ERGIC1: variants seen among roughly 807,000 people sequenced by gnomAD.
ERGIC1 encodes the protein endoplasmic reticulum-Golgi intermediate compartment protein 1.
Under a neutral mutation model 38.3 loss-of-function variants are expected in ERGIC1, and 19 were observed. That is an observed-to-expected ratio of 0.50 (90% confidence interval 0.35 to 0.73). The LOEUF is 0.73. Among genes scored for constraint, ERGIC1 ranks in the 30% least tolerant of loss-of-function variants. ERGIC1 has a pLI of 0.01. For synonymous variants in ERGIC1, 124 were observed against 157.6 expected, an observed-to-expected ratio of 0.79 and a Z score of 1.60; for missense variants, 294 against 389.2, an observed-to-expected ratio of 0.76 and a Z score of 2.06.
chr5:172,913,319 C>T (rs1346498117), intron 4 of ERGIC1, among the ~76,000 whole-genome samples: 1 of 152,228 alleles, frequency 6.6e-6, no homozygotes, highest in African/African-American at 2.4e-5. Flanking sequence ...GATAAGGTTG[C>T]CTGAGCAGCT....
chr5:172,900,731 AC>A (rs1762852835), intron 3 of ERGIC1, among the ~76,000 whole-genome samples: 1 of 151,878 alleles, frequency 6.6e-6, no homozygotes, highest in African/African-American at 2.4e-5. Flanking sequence ...ACAAAAAAAA[AC>A]ATGAGGACAT....
chr5:172,897,099 C>T (rs371253487), intron 3 of ERGIC1, 25 bp downstream of exon 3: 103 of 1,607,902 alleles, frequency 6.4e-5, no homozygotes, highest in Non-Finnish European at 8.2e-5. Flanking sequence ...CCCGATGGGG[C>T]ATTCCAGGAT....
intron 2 of ERGIC1, among the ~76,000 whole-genome samples, chr5:172,892,062 G>GTTTTTTTTTTTTTTTTTTTTTTTTT: frequency 1.1e-5 from 1 of 90,228 alleles, no homozygotes; most frequent in Non-Finnish European, 2.2e-5. Context: ...TAAAGAGTAT[G>GTTTTTTTTTTTTTTTTTTTTTTTTT]TTTTTTTTTT....
In ERGIC1 at chr5:172,926,785, G is replaced by A; in HGVS notation, c.541+216G>A. ...TGGAGAAGGAAGAAGGCTTGTCCCGGGGCACAGCAGACGCACGCACGCAGT... is the reference window on the plus strand; with the variant it reads ...TGGAGAAGGAAGAAGGCTTGTCCCGAGGCACAGCAGACGCACGCACGCAGT... On this transcript the variant is annotated intron_variant, in intron 7 of 9. Transcript: ENST00000393784. The surrounding 1 kb of genome is among the most constrained non-coding windows in gnomAD (Gnocchi z 5.2). 1.7e-6 allele frequency: 1 copy of A among 588,760 alleles called. No homozygotes were observed. The highest frequency in any genetic ancestry group is 3.0e-6 in the Non-Finnish European group (1 of 329,338). 36.5% of individuals were successfully genotyped at this position (588,760 alleles called of 1,614,324 possible).
intron 5 of ERGIC1, chr5:172,915,827 C>T (rs768117317): frequency 3.3e-5 from 12 of 358,512 alleles, no homozygotes; most frequent in Admixed American, 3.3e-4. Flanking sequence ...GTCCCTCCTG[C>T]AGCCTCTGCT....
At position 172,909,719 on chromosome 5, in the gene ERGIC1, G is replaced by T; in HGVS notation, c.208G>T (p.Asp70Tyr). ...AGACAAGGACAGCGGTGGCAAGATC[G>T]ACGTCAGTCTGAACATCAGTTTACC... Reference protein sequence around the residue: ...DPDKDSGGKIDVSLNISLPNL... With the variant: ...DPDKDSGGKIYVSLNISLPNL... Residue 70 changes from aspartate (D) to tyrosine (Y), a missense_variant, in exon 4 of 10, where the codon GAC (aspartate) becomes TAC (tyrosine). Asp to Tyr is a radical substitution (Grantham distance 160). Transcript: ENST00000393784. The T allele has an allele frequency of 6.2e-7, 1 of 1,614,174 alleles. No homozygotes were observed. Among genetic ancestry groups the T allele is most frequent in the Non-Finnish European group, 8.5e-7 (1 of 1,180,030 alleles).
chr5:172,865,051 CT>C lies in ERGIC1; in HGVS notation c.21-23625del, dbSNP rs55657045. 9.2e-3 allele frequency among the ~76,000 whole-genome samples: 867 copies of C among 93,820 alleles called. 1 individual carries two copies. The highest frequency in any genetic ancestry group is 0.024 in the Middle Eastern group (4 of 166). 61.5% of individuals were successfully genotyped at this position (93,820 alleles called of 152,430 possible). A position where few individuals can be genotyped will look rare whatever the true frequency, so the allele number is the denominator to read the frequency against. On this transcript the variant is annotated intron_variant, in intron 1 of 9. Transcript: ENST00000393784. ...TATCAAATTGCTATAGAAAGAAATTCTTTTTTTTTTTTTTTTTTTTTTTGAG... is the reference window on the plus strand; with the variant it reads ...TATCAAATTGCTATAGAAAGAAATTCTTTTTTTTTTTTTTTTTTTTTTGAG...
chr5:172,877,454 ATATATTTTT>A (rs538938691), intron 1 of ERGIC1, among the ~76,000 whole-genome samples: 3 of 121,938 alleles, frequency 2.5e-5, no homozygotes, highest in Non-Finnish European at 3.4e-5. Flanking sequence ...ATATATATAT[ATATATTTTT>A]TTTTTTTTTT....
At position 172,892,095 on chromosome 5, in the gene ERGIC1, C is replaced by G. The variant is rs1225374220; in HGVS notation, c.82+3335C>G. On this transcript the variant is annotated intron_variant, in intron 2 of 9. Coordinates refer to ENST00000393784, the MANE Select transcript of ERGIC1 (RefSeq NM_001031711.3). ...TTTTTTTTTTTTTTTTTGAAACTTA[C>G]AAGGTCCTGCCAAAGGGCCCTCCAG... is the stretch of plus-strand genomic sequence containing the variant. Among the ~76,000 whole-genome samples the G allele has an allele frequency of 6.6e-5, 5 of 76,216 alleles. No individual in the cohort carries two copies. The East Asian group carries it at 2.6e-3, about 40-fold the overall frequency. 50.0% of individuals were successfully genotyped at this position (76,216 alleles called of 152,430 possible). A position where few individuals can be genotyped will look rare whatever the true frequency, so the allele number is the denominator to read the frequency against.
intron 1 of ERGIC1, among the ~76,000 whole-genome samples, chr5:172,874,076 A>T (rs916675295): frequency 6.6e-6 from 1 of 151,846 alleles, no homozygotes; most frequent in African/African-American, 2.4e-5. Flanking sequence ...GGGCCCTGGA[A>T]TCTGCAAATT....
chr5:172,948,600 C>T (rs1764170085), intron 9 of ERGIC1, among the ~76,000 whole-genome samples: 1 of 152,076 alleles, frequency 6.6e-6, no homozygotes, highest in Non-Finnish European at 1.5e-5. Flanking sequence ...AGTTACTTCC[C>T]TCTCTGTACC....
At chr5:172,934,345 T>C (rs1264881547) in intron 8 of ERGIC1, 1 of 152,376 alleles carries the variant, frequency 6.6e-6, no homozygotes, top group Non-Finnish European at 1.5e-5. Flanking sequence ...CATCCGTGTT[T>C]AGATGGGGAA....
chr5:172,935,318 G>T lies in ERGIC1; in HGVS notation c.765+8G>T, dbSNP rs1763866710. 1 of 1,613,844 alleles carries T rather than the reference G, an allele frequency of 6.2e-7. No individual in the cohort carries two copies. The highest frequency in any genetic ancestry group is 1.3e-5 in the African/African-American group (1 of 74,932). On this transcript the variant is annotated splice_region_variant and intron_variant, in intron 9 of 9. Coordinates refer to ENST00000393784, the MANE Select transcript of ERGIC1 (RefSeq NM_001031711.3). ...TACAGATTCATCACCACGGTGAGTG[G>T]CCTGGGGCAGTGGGTGGGGCCCTGA...
chr5:172,946,857 G>A (rs1470566991), intron 9 of ERGIC1, among the ~76,000 whole-genome samples: 2 of 142,190 alleles, frequency 1.4e-5, no homozygotes, highest in African/African-American at 5.3e-5. Flanking sequence ...TGTGGGCCTG[G>A]CCACTAGAGT....
intron 2 of ERGIC1, among the ~76,000 whole-genome samples, chr5:172,890,840 AC>A (rs11294914): frequency 0.26 from 39,480 of 152,106 alleles, 5,688 homozygotes; most frequent in African/African-American, 0.39. Context: ...ATTGGAGTCC[AC>A]TTCTCCCAGG....
At chr5:172,935,065 C>A in intron 8 of ERGIC1, 123 bp from the exon 9 acceptor site, 1 of 1,434,244 alleles carries the variant, frequency 7.0e-7, no homozygotes, top group Non-Finnish European at 9.6e-7. Flanking sequence ...GGGAGTCTGG[C>A]TTCGTGGGGC....
chr5:172,836,919 C>A (rs7728629), intron 1 of ERGIC1, among the ~76,000 whole-genome samples: 1 of 152,064 alleles, frequency 6.6e-6, no homozygotes, highest in African/African-American at 2.4e-5. Flanking sequence ...AGTAGAAGCC[C>A]TTTGCTCTGG....
At chr5:172,889,945 C>A (rs942362866) in intron 2 of ERGIC1, among the ~76,000 whole-genome samples, 8 of 152,186 alleles carry the variant, frequency 5.3e-5, no homozygotes, top group Non-Finnish European at 1.2e-4. Context: ...TTGGGATACT[C>A]AACGTGTATG....
At chr5:172,881,068 G>A (rs942438473) in intron 1 of ERGIC1, among the ~76,000 whole-genome samples, 1 of 152,158 alleles carries the variant, frequency 6.6e-6, no homozygotes, top group Non-Finnish European at 1.5e-5. Flanking sequence ...GACCAACATG[G>A]AGAAACCTCA....
Sources: gnomAD v4.1 joint callset for allele counts (sites outside exome capture counted in the v4.1 genomes callset) on GRCh38, gnomAD v4.1.1 for gene constraint, Gnocchi (gnomAD v3.1) non-coding constraint, MANE v1.5 for transcripts, NCBI Gene and HGNC (gene_info 2026-07-23, HGNC 2026-07-21) for gene names.